TRIM40: variants seen among roughly 807,000 people sequenced by gnomAD.
TRIM40 encodes the protein E3 ubiquitin ligase TRIM40.
In TRIM40, 27 loss-of-function variants were observed where a neutral mutation model predicts 26.1. The observed-to-expected ratio is 1.04, with a 90% CI of 0.76 to 1.43. The LOEUF (loss-of-function observed/expected upper bound fraction) is 1.43, where lower values mean the gene tolerates loss of function less well. TRIM40 is among the 40% of genes most tolerant of loss of function. The pLI, the probability that TRIM40 is intolerant of heterozygous loss-of-function variation, is 0.00. For missense variants in TRIM40, 289 were observed against 307.9 expected (o/e 0.94, Z 0.46); for synonymous variants, 114 against 120.0 (o/e 0.95, Z 0.33).
At position 30,147,707 on chromosome 6, in the gene TRIM40, A is replaced by G. The variant is rs9261513; in HGVS notation, c.690-18A>G. The G allele has an allele frequency of 0.25, 399,396 of 1,610,718 alleles. 51,183 individuals carry two copies. Among genetic ancestry groups the G allele is most frequent in the Admixed American group, 0.27 (16,223 of 59,998 alleles). ...ATATGAATACATATTAATCTATGAAAGATTTCTTTGTTTCTAGGAGTGCTC... is the reference window on the plus strand; with the variant it reads ...ATATGAATACATATTAATCTATGAAGGATTTCTTTGTTTCTAGGAGTGCTC... On this transcript the variant is annotated intron_variant, in intron 5 of 5. Coordinates refer to ENST00000396581, the MANE Select transcript of TRIM40 (RefSeq NM_001286633.2).
rs112992319 is a variant in TRIM40 at position 30,137,070 on chromosome 6, G to A, written c.34G>A (p.Gly12Ser). ...TTTGCAGAAGGACAACCAGGAGGAGGGTGTCTGCCCCATCTGCCAGGAGAG... is the reference window on the plus strand; with the variant it reads ...TTTGCAGAAGGACAACCAGGAGGAGAGTGTCTGCCCCATCTGCCAGGAGAG... ...IPLQKDNQEE[G>S]VCPICQESLK... The change falls in exon 2 of 6, where the codon GGT becomes AGT. Residue 12 changes from glycine (G) to serine (S), a missense_variant. Physicochemically the swap from Gly to Ser is moderately conservative, Grantham distance 56. Transcript: ENST00000396581. The A allele has an allele frequency of 4.3e-6, 7 of 1,612,984 alleles. No individual in the cohort carries two copies. The highest frequency in any genetic ancestry group is 5.1e-6 in the Non-Finnish European group (6 of 1,180,002).
chr6:30,147,297 G>A, intron 4 of TRIM40, 88 bp downstream of exon 4: 1 of 1,501,532 alleles, frequency 6.7e-7, no homozygotes, highest in Non-Finnish European at 9.2e-7. Context: ...AGGTGTAAGA[G>A]GGAGGGGCCT....
rs1771771724 is a variant in TRIM40, at chr6:30,147,903, C to G, written c.*91C>G. ...CTGTCCAGGCCCCCACTGGGTCTAC[C>G]CAGTGCATCTTCGGGCCTGCCAGCT... On this transcript the variant is annotated 3_prime_UTR_variant, in exon 6 of 6. Coordinates refer to ENST00000396581, the MANE Select transcript of TRIM40 (RefSeq NM_001286633.2). 9.1e-7 allele frequency: 1 copy of G among 1,102,734 alleles called. No homozygotes were observed. Among genetic ancestry groups the G allele is most frequent in the Admixed American group, 1.8e-5 (1 of 54,184 alleles). 68.3% of individuals were successfully genotyped at this position (1,102,734 alleles called of 1,614,324 possible).
At chr6:30,146,439 C>A (rs9261512) in intron 3 of TRIM40, among the ~76,000 whole-genome samples, 1 of 151,330 alleles carries the variant, frequency 6.6e-6, no homozygotes, top group African/African-American at 2.4e-5. Flanking sequence ...TGAGATGGAG[C>A]CTTGCTCTGT....
In TRIM40 at chr6:30,147,801, C is replaced by G; in HGVS notation, c.766C>G (p.Gln256Glu). The change falls in exon 6 of 6, where the codon CAG becomes GAG. Residue 256 changes from glutamine (Q) to glutamate (E), a missense_variant. Physicochemically the swap from Gln to Glu is conservative, Grantham distance 29. Transcript: ENST00000396581. Reference protein sequence around the residue: ...GVSELLLQPPQKL With the variant: ...GVSELLLQPPEKL ...CAGTGAATTGCTTCTTCAGCCCCCT[C>G]AGAAGCTCTGACCTGTTCATCCCTG... 6.2e-7 allele frequency: 1 copy of G among 1,614,110 alleles called. No homozygotes were observed. Among genetic ancestry groups the G allele is most frequent in the Non-Finnish European group, 8.5e-7 (1 of 1,179,924 alleles).
intron 2 of TRIM40, among the ~76,000 whole-genome samples, chr6:30,143,583 C>T (rs182922940): frequency 6.6e-6 from 1 of 152,010 alleles, no homozygotes; most frequent in African/African-American, 2.4e-5. Context: ...ACCTGAATGA[C>T]AGAATTTTAA....
At chr6:30,136,628 A>T in intron 1 of TRIM40, 105 bp from the exon 2 acceptor site, 1 of 207,774 alleles carries the variant, frequency 4.8e-6, no homozygotes, top group Non-Finnish European at 9.7e-6. Flanking sequence ...GCTTTTGGCC[A>T]TGACAATGAC....
chr6:30,138,066 T>TACAC (rs9278588), intron 2 of TRIM40, among the ~76,000 whole-genome samples: 9,403 of 112,444 alleles, frequency 0.084, 451 homozygotes, highest in Non-Finnish European at 0.16. Flanking sequence ...AATGCACTCT[T>TACAC]ACACACACAC....
rs916672174 is a variant in TRIM40, at chr6:30,137,234, G to A, written c.198G>A (p.Gly66=). The A allele has an allele frequency of 3.1e-5, 50 of 1,612,976 alleles. No individual in the cohort carries two copies. The highest frequency in any genetic ancestry group is 4.0e-5 in the Non-Finnish European group (47 of 1,180,038). ...CRKPCSEEVL[G]TGYICPNHQK... Reference sequence around the variant, plus strand: ...AGCCCTGTTCTGAGGAGGTGCTAGGGACAGGCTATATCTGCCCCAACCACC... The same window carrying A: ...AGCCCTGTTCTGAGGAGGTGCTAGGAACAGGCTATATCTGCCCCAACCACC... The change falls in exon 2 of 6, where the codon GGG becomes GGA. Residue 66 remains glycine, a synonymous_variant. Coordinates refer to ENST00000396581, the MANE Select transcript of TRIM40 (RefSeq NM_001286633.2).
At chr6:30,147,605 C>G in intron 5 of TRIM40, 63 bp downstream of exon 5, 1 of 1,613,714 alleles carries the variant, frequency 6.2e-7, no homozygotes, top group South Asian at 1.1e-5. Context: ...CAGACATGCA[C>G]AGAGGTCAAG....
At chr6:30,136,597 T>C (rs114096058) in intron 1 of TRIM40, 136 bp from the exon 2 acceptor site, 2,327 of 173,008 alleles carry the variant, frequency 0.013, 32 homozygotes, top group Middle Eastern at 0.034. Context: ...GAGACTCAAA[T>C]TGTAAGTTTA....
Position 30,146,017 on chromosome 6 carries a change from G to T in TRIM40, c.369G>T (p.Arg123Ser), listed in dbSNP as rs764190937. The T allele has an allele frequency of 2.5e-6, 4 of 1,613,074 alleles. No individual in the cohort carries two copies. In the South Asian group the frequency reaches 4.4e-5, roughly 18 times the overall value. The change falls in exon 3 of 6, where the codon AGG (arginine) becomes AGT (serine). Residue 123 changes from arginine (R) to serine (S), a missense_variant. Coordinates refer to ENST00000396581, the MANE Select transcript of TRIM40 (RefSeq NM_001286633.2). ...HYKERLNRRS[R>S]KLRKDIAELQ... is the part of the protein sequence containing the mutation. ...AGGAACGACTCAATCGCCGGAGCAG[G>T]AAGCTCAGAAAGGACATTGCAGAAC...
At position 30,147,666 on chromosome 6, in the gene TRIM40, G is replaced by A. The variant is rs1771752616; in HGVS notation, c.690-59G>A. 3.7e-6 allele frequency: 6 copies of A among 1,608,702 alleles called. No homozygotes were observed. In the South Asian group the frequency reaches 6.6e-5, roughly 18 times the overall value. On this transcript the variant is annotated intron_variant, in intron 5 of 5. Coordinates refer to ENST00000396581, the MANE Select transcript of TRIM40 (RefSeq NM_001286633.2). The stretch of plus-strand genomic sequence containing the variant: ...GTATCTTGATGCTACATGGCCAATG[G>A]AAGAGCCAATGGAATATATGAATAC...
chr6:30,141,778 G>A (rs1363317609), intron 2 of TRIM40, among the ~76,000 whole-genome samples: 6 of 152,218 alleles, frequency 3.9e-5, no homozygotes, highest in African/African-American at 1.4e-4. Flanking sequence ...GGTGGGATCA[G>A]GATGGATGTG....
In TRIM40 at chr6:30,137,154, C is replaced by T; in HGVS notation, c.118C>T (p.Gln40Ter). The T allele has an allele frequency of 6.2e-7, 1 of 1,613,094 alleles. No individual in the cohort carries two copies. Among genetic ancestry groups the T allele is most frequent in the Non-Finnish European group, 8.5e-7 (1 of 1,180,036 alleles). The change falls in exon 2 of 6, where the codon CAG (glutamine) becomes TAG (stop). Residue 40 changes from glutamine (Q) to a stop codon, truncating the protein, a stop_gained. Transcript: ENST00000396581. LOFTEE classifies it high-confidence loss of function. ...GHLFCRVCLT[Q>*]HVEKASASGV... ...TCTCTTCTGTCGAGTGTGCCTGACA[C>T]AGCATGTGGAGAAGGCCTCAGCCTC... is the stretch of plus-strand genomic sequence containing the variant.
intron 3 of TRIM40, 101 bp from the exon 4 acceptor site, chr6:30,146,884 G>A: frequency 8.3e-7 from 1 of 1,203,182 alleles, no homozygotes; most frequent in East Asian, 2.5e-5. Context: ...ATGAGGGCAA[G>A]AGGACTGAGG....
In TRIM40 at chr6:30,137,275, G is replaced by C. The variant is rs1771068741; in HGVS notation, c.239G>C (p.Arg80Thr). Residue 80 changes from arginine (R) to threonine (T), a missense_variant, in exon 2 of 6, where the codon AGG (arginine) becomes ACG (threonine). Transcript: ENST00000396581. ...CCCAACCACCAGAAGAGGGTGTGCA[G>C]GTTCTGTGAGGAGAGCAGACTTCTT... ...ICPNHQKRVC[R>T]FCEESRLLLC... 2 of 1,613,104 alleles carry C rather than the reference G, an allele frequency of 1.2e-6. No homozygotes were observed. Among genetic ancestry groups the C allele is most frequent in the Non-Finnish European group, 8.5e-7 (1 of 1,180,038 alleles).
chr6:30,146,646 C>T (rs544433080), intron 3 of TRIM40, among the ~76,000 whole-genome samples: 1 of 152,008 alleles, frequency 6.6e-6, no homozygotes, highest in African/African-American at 2.4e-5. Flanking sequence ...CTCCTGACCT[C>T]GTGATCCGCC....
At chr6:30,146,613 A>G (rs575347626) in intron 3 of TRIM40, among the ~76,000 whole-genome samples, 123 of 152,140 alleles carry the variant, frequency 8.1e-4, no homozygotes, top group East Asian at 2.3e-3. Context: ...GGGTTTCACC[A>G]TGTTAGCCAG....
Sources: gnomAD v4.1 joint callset for allele counts (sites outside exome capture counted in the v4.1 genomes callset) on GRCh38, gnomAD v4.1.1 for gene constraint, MANE v1.5 for transcripts, NCBI Gene and HGNC (gene_info 2026-07-23, HGNC 2026-07-21) for gene names.